NTRK3: variants seen among roughly 807,000 people sequenced by gnomAD.
The protein encoded by NTRK3 is NT-3 growth factor receptor.
NTRK3 carries 24 observed loss-of-function variants against 91.7 expected under a neutral mutation model. The ratio of observed to expected loss-of-function variants is 0.26; its 90% confidence interval spans 0.19 to 0.37. The LOEUF is 0.37. Among genes scored for constraint, NTRK3 ranks in the 10% least tolerant of loss-of-function variants. The pLI is 1.00. For missense variants in NTRK3, 880 were observed against 1,068.9 expected, an observed-to-expected ratio of 0.82 and a Z score of 2.46; for synonymous variants, 483 against 404.0, an observed-to-expected ratio of 1.20 and a Z score of -2.34.
exon 19 of NTRK3, chr15:87,876,694 T>A (rs552899065): frequency 4.5e-6 from 1 of 220,332 alleles, no homozygotes; most frequent in Non-Finnish European, 8.9e-6. Flanking sequence ...TAGATATAGA[T>A]TGATAGATAG....
intron 13 of NTRK3, among the ~76,000 whole-genome samples, chr15:88,075,034 T>C (rs1393627399): frequency 6.6e-6 from 1 of 152,216 alleles, no homozygotes; most frequent in Non-Finnish European, 1.5e-5. Flanking sequence ...GGGGTTGTTC[T>C]AACTATTAAT....
intron 3 of NTRK3, among the ~76,000 whole-genome samples, chr15:88,210,522 T>C (rs2049150646): frequency 6.6e-6 from 1 of 152,228 alleles, no homozygotes; most frequent in Non-Finnish European, 1.5e-5. Context: ...GGTTTGGAAC[T>C]GAACAAACTG....
chr15:88,098,079 G>A (rs1282324825), intron 13 of NTRK3, among the ~76,000 whole-genome samples: 1 of 152,122 alleles, frequency 6.6e-6, no homozygotes. Flanking sequence ...CTTTTCCTCT[G>A]ACAAAAAGAA....
In NTRK3 at chr15:88,126,413, GA is replaced by G. The variant is rs1357483720; in HGVS notation, c.1294-41del. ...AAACAGAGAGTCAGCAACAATCACA[GA>G]AAACCCAATTTCCTTGAAAATAATG... On this transcript the variant is annotated intron_variant, in intron 12 of 18. Transcript: ENST00000394480. 5 of 1,403,582 alleles carry G rather than the reference GA, an allele frequency of 3.6e-6. No homozygotes were observed. The African/African-American group carries it at 5.7e-5, about 16-fold the overall frequency. The allele number at this position is 1,403,582 out of a possible 1,614,324, so 86.9% of individuals were successfully genotyped here.
intron 14 of NTRK3, among the ~76,000 whole-genome samples, chr15:87,992,205 G>GAT (rs1405538354): frequency 6.6e-6 from 1 of 152,134 alleles, no homozygotes; most frequent in African/African-American, 2.4e-5. Context: ...CTGCCATCCT[G>GAT]ATATTGACAT....
chr15:88,238,701 C>T (rs1254560558), intron 3 of NTRK3, among the ~76,000 whole-genome samples: 4 of 152,210 alleles, frequency 2.6e-5, no homozygotes, highest in African/African-American at 9.7e-5. Context: ...AAAATATAGC[C>T]ATGTTACCAC....
chr15:88,165,873 G>T (rs1213882357), intron 5 of NTRK3, among the ~76,000 whole-genome samples: 1 of 152,134 alleles, frequency 6.6e-6, no homozygotes, highest in Non-Finnish European at 1.5e-5. Flanking sequence ...GTGTGTGTGT[G>T]TATGTGCACA....
At chr15:88,056,204 T>TATATATATATATATA (rs377120482) in intron 13 of NTRK3, among the ~76,000 whole-genome samples, 53 of 95,194 alleles carry the variant, frequency 5.6e-4, no homozygotes, top group Non-Finnish European at 7.7e-4. Flanking sequence ...ATATATATAT[T>TATATATATATATATA]TTTTTTTTAA....
intron 17 of NTRK3, among the ~76,000 whole-genome samples, chr15:87,899,331 C>T (rs566098250): frequency 1.3e-5 from 2 of 152,222 alleles, no homozygotes; most frequent in East Asian, 3.9e-4. Context: ...TAAGTCTTTG[C>T]TGGTTTGTGC....
intron 14 of NTRK3, chr15:87,979,327 G>C (rs1486441330): frequency 1.9e-6 from 3 of 1,545,448 alleles, no homozygotes; most frequent in Non-Finnish European, 2.7e-6. Flanking sequence ...TCAAAACAAG[G>C]AGGCTTAAAA....
intron 13 of NTRK3, among the ~76,000 whole-genome samples, chr15:88,118,433 A>G (rs929301585): frequency 1.3e-5 from 2 of 152,172 alleles, no homozygotes; most frequent in Non-Finnish European, 2.9e-5. Flanking sequence ...GGGGTAAAAA[A>G]CATTTGGAAC....
In NTRK3 at chr15:88,034,359, C is replaced by T. The variant is rs926754343; in HGVS notation, c.1397-1314G>A. Among the ~76,000 whole-genome samples, 9 of 152,180 alleles carry T rather than the reference C, an allele frequency of 5.9e-5. No individual in the cohort carries two copies. In the East Asian group the frequency reaches 1.7e-3, roughly 29 times the overall value. On this transcript the variant is annotated intron_variant, in intron 13 of 18. Transcript: ENST00000394480. ...TTCTTTCTAACCCAAAGAAGAAATC[C>T]AGTAAGGACATACAGTTACTCAAAA...
At chr15:88,191,121 T>C (rs2047349393) in intron 3 of NTRK3, among the ~76,000 whole-genome samples, 1 of 152,090 alleles carries the variant, frequency 6.6e-6, no homozygotes, top group Non-Finnish European at 1.5e-5. Flanking sequence ...ACTATCATTA[T>C]GTTCAGAATA....
chr15:88,144,567 G>A (rs1013657693), intron 6 of NTRK3, among the ~76,000 whole-genome samples: 2 of 152,140 alleles, frequency 1.3e-5, no homozygotes, highest in African/African-American at 4.8e-5. Context: ...AAACAGCCTG[G>A]TCTTTGGAAA....
chr15:87,932,411 T>C (rs956530370), intron 16 of NTRK3, among the ~76,000 whole-genome samples: 1 of 152,224 alleles, frequency 6.6e-6, no homozygotes, highest in Non-Finnish European at 1.5e-5. Flanking sequence ...TTTTAAACCT[T>C]ATTGAACTTT....
chr15:88,127,189 G>A, exon 12 of NTRK3: 1 of 1,613,940 alleles, frequency 6.2e-7, no homozygotes, highest in Non-Finnish European at 8.5e-7. Flanking sequence ...CTGGTTTGTG[G>A]GTCACAGTGA....
intron 14 of NTRK3, among the ~76,000 whole-genome samples, chr15:88,016,786 T>C (rs1219598747): frequency 6.6e-6 from 1 of 152,186 alleles, no homozygotes; most frequent in Non-Finnish European, 1.5e-5. Context: ...GTAATTTCTT[T>C]ATTAGAGGAG....
intron 17 of NTRK3, among the ~76,000 whole-genome samples, chr15:87,914,400 T>C (rs2067302891): frequency 6.6e-6 from 1 of 152,190 alleles, no homozygotes; most frequent in Non-Finnish European, 1.5e-5. Context: ...AGTGCATCTT[T>C]CAAATACGCA....
At chr15:87,905,718 A>C (rs1421317954) in intron 17 of NTRK3, among the ~76,000 whole-genome samples, 1 of 152,058 alleles carries the variant, frequency 6.6e-6, no homozygotes, top group African/African-American at 2.4e-5. Context: ...CTCTGCATGC[A>C]TTCTCCCCAC....
Sources: allele counts gnomAD v4.1 joint callset (sites outside exome capture counted in the v4.1 genomes callset), GRCh38; gene constraint gnomAD v4.1.1; transcripts MANE v1.5; gene names NCBI Gene and HGNC (gene_info 2026-07-23, HGNC 2026-07-21).